The following RBFOX1 variants were observed in gnomAD, a reference collection of about 807,000 sequenced individuals.
RBFOX1 encodes the protein RNA binding protein fox-1 homolog 1.
RBFOX1 carries 8 observed loss-of-function variants against 57.7 expected under a neutral mutation model. The ratio of observed to expected loss-of-function variants is 0.14; its 90% CI spans 0.08 to 0.25. The LOEUF (loss-of-function observed/expected upper bound fraction) is 0.25. Among genes scored for constraint, RBFOX1 ranks in the 10% least tolerant of loss-of-function variants. RBFOX1 has a pLI of 1.00. For synonymous variants in RBFOX1, 326 were observed against 222.4 expected (o/e 1.47, Z -4.15); for missense variants, 611 against 548.5 (o/e 1.11, Z -1.14).
At chr16:7,332,804 G>A in intron 4 of RBFOX1, 3 of 1,402,644 alleles carry the variant, frequency 2.1e-6, no homozygotes, top group Non-Finnish European at 2.8e-6. Context: ...TCGTCGTCTG[G>A]GAAGAAAACT....
chr16:7,304,559 G>A (rs1209896273), intron 4 of RBFOX1: 1 of 985,250 alleles, frequency 1.0e-6, no homozygotes, highest in Non-Finnish European at 1.2e-6. Flanking sequence ...GTACTGGGCT[G>A]CGCTTCGGTG....
At chr16:6,606,789 G>C (rs1329092907) in intron 2 of RBFOX1, among the ~76,000 whole-genome samples, 1 of 152,112 alleles carries the variant, frequency 6.6e-6, no homozygotes, top group Non-Finnish European at 1.5e-5. Context: ...CCACGTCTTT[G>C]CTACAGTGAA....
intron 4 of RBFOX1, among the ~76,000 whole-genome samples, chr16:5,874,718 G>GA (rs1469153597): frequency 6.6e-6 from 1 of 152,162 alleles, no homozygotes; most frequent in Non-Finnish European, 1.5e-5. Flanking sequence ...GCAGAGACAG[G>GA]AAAATCACTT....
intron 1 of RBFOX1, among the ~76,000 whole-genome samples, chr16:6,021,839 G>A (rs1005708093): frequency 6.6e-6 from 1 of 152,200 alleles, no homozygotes; most frequent in Non-Finnish European, 1.5e-5. Flanking sequence ...TCCTCAGAGG[G>A]TTTGGGGGTA....
intron 3 of RBFOX1, among the ~76,000 whole-genome samples, chr16:6,822,508 C>A (rs557748404): frequency 2.0e-5 from 3 of 152,188 alleles, no homozygotes; most frequent in Non-Finnish European, 4.4e-5. Context: ...AGTTTCACAA[C>A]AGGAATGCAA....
At chr16:5,350,830 G>C (rs1243171853) in intron 1 of RBFOX1, among the ~76,000 whole-genome samples, 3 of 151,982 alleles carry the variant, frequency 2.0e-5, no homozygotes, top group Non-Finnish European at 4.4e-5. Flanking sequence ...GCACCACTGC[G>C]CTCCAGCCTG....
intron 3 of RBFOX1, among the ~76,000 whole-genome samples, chr16:6,835,502 A>G (rs2093027848): frequency 6.6e-6 from 1 of 152,038 alleles, no homozygotes; most frequent in African/African-American, 2.4e-5. Flanking sequence ...CTGCAATCCC[A>G]GCACTTTGGG....
chr16:7,346,904 A>G (rs965787748), intron 4 of RBFOX1, among the ~76,000 whole-genome samples: 8 of 152,308 alleles, frequency 5.3e-5, no homozygotes, highest in South Asian at 4.1e-4. Flanking sequence ...TAGCTTCAAA[A>G]AAAACGAGAG....
chr16:5,856,190 T>TACAC, intron 3 of RBFOX1, among the ~76,000 whole-genome samples: 1 of 49,432 alleles, frequency 2.0e-5, no homozygotes, highest in African/African-American at 6.3e-5. Flanking sequence ...TCTCTCTCTA[T>TACAC]ATATATATAT....
chr16:5,816,507 C>A (rs1047891862), intron 3 of RBFOX1, among the ~76,000 whole-genome samples: 1 of 152,156 alleles, frequency 6.6e-6, no homozygotes, highest in South Asian at 2.1e-4. Flanking sequence ...AAGCTCCTTT[C>A]TCAATTATTA....
At position 5,716,396 on chromosome 16, in the gene RBFOX1, C is replaced by G. The variant is rs140609136; in HGVS notation, c.318+117435C>G. Among the ~76,000 whole-genome samples the G allele has an allele frequency of 3.8e-3, 580 of 152,312 alleles. 2 individuals carry two copies. Among genetic ancestry groups the G allele is most frequent in the African/African-American group, 0.014 (562 of 41,562 alleles). On this transcript the variant is annotated intron_variant, in intron 3 of 19. Transcript: ENST00000641259. ...TATTTTTCCTGATCCTCTCCCTCCT[C>G]TCACCTTCCACCCTCCGACAGACCC...
In RBFOX1 at chr16:6,706,783, A is replaced by G. The variant is rs11865784; in HGVS notation, c.-16+52133A>G. On this transcript the variant is annotated intron_variant, in intron 3 of 15. Coordinates refer to ENST00000550418, the MANE Select transcript of RBFOX1 (RefSeq NM_018723.4). ...CAAGACATACGGCCAGAGCTGACATATTCTTAGGAATAACAGAAAATTGTC... is the reference window on the plus strand; with the variant it reads ...CAAGACATACGGCCAGAGCTGACATGTTCTTAGGAATAACAGAAAATTGTC... 5.0e-3 allele frequency among the ~76,000 whole-genome samples: 750 copies of G among 150,462 alleles called. 8 individuals are homozygous for G. The highest frequency in any genetic ancestry group is 0.017 in the African/African-American group (711 of 40,816).
intron 4 of RBFOX1, among the ~76,000 whole-genome samples, chr16:7,328,372 C>G (rs147082061): frequency 4.7e-5 from 7 of 149,888 alleles, no homozygotes; most frequent in African/African-American, 1.7e-4. Flanking sequence ...CCCAGCTACT[C>G]GGCAGGCTGA....
chr16:7,548,559 A>G lies in RBFOX1; in HGVS notation c.270+30170A>G, dbSNP rs1403109221. On this transcript the variant is annotated intron_variant, in intron 5 of 15. Coordinates refer to ENST00000550418, the MANE Select transcript of RBFOX1 (RefSeq NM_018723.4). ...CCTCAAGGAACTCATCCTAGTCTAG[A>G]GCTGTGAACCAATGCAAGGGGCAAA... 2.0e-5 allele frequency among the ~76,000 whole-genome samples: 3 copies of G among 152,226 alleles called. No homozygotes were observed. The East Asian group carries it at 5.8e-4, about 29-fold the overall frequency.
At chr16:5,449,868 A>G (rs1167577430) in intron 1 of RBFOX1, among the ~76,000 whole-genome samples, 1 of 152,084 alleles carries the variant, frequency 6.6e-6, no homozygotes, top group Non-Finnish European at 1.5e-5. Flanking sequence ...TCAGCCTCCC[A>G]AAGGTCTTGG....
In RBFOX1 at chr16:5,432,689, GCC is replaced by G. The variant is rs1163633871; in HGVS notation, c.220-34525_220-34524del. ...AGGTCAAAGAGGGCTGACTGTGGGTGCCCAGGCTCCGAGTTTATGGGGGGCCC... is the reference window on the plus strand; with the variant it reads ...AGGTCAAAGAGGGCTGACTGTGGGTGCAGGCTCCGAGTTTATGGGGGGCCC... On this transcript the variant is annotated intron_variant, in intron 1 of 2. Transcript: ENST00000585867. 3.8e-4 allele frequency among the ~76,000 whole-genome samples: 58 copies of G among 151,884 alleles called. 1 individual carries two copies. The highest frequency in any genetic ancestry group is 1.4e-3 in the African/African-American group (57 of 41,442).
chr16:5,770,084 T>C (rs2053927016), intron 3 of RBFOX1, among the ~76,000 whole-genome samples: 1 of 152,110 alleles, frequency 6.6e-6, no homozygotes, highest in South Asian at 2.1e-4. Flanking sequence ...CCAGAGTAGT[T>C]TGGGTGATTA....
At chr16:6,747,724 A>C (rs2074048187) in intron 3 of RBFOX1, among the ~76,000 whole-genome samples, 1 of 152,146 alleles carries the variant, frequency 6.6e-6, no homozygotes, top group Non-Finnish European at 1.5e-5. Flanking sequence ...TCTTCTGGGC[A>C]CCATCCGCTT....
chr16:6,621,761 A>C (rs2098235910), intron 2 of RBFOX1, among the ~76,000 whole-genome samples: 1 of 152,194 alleles, frequency 6.6e-6, no homozygotes, highest in South Asian at 2.1e-4. Flanking sequence ...CCTTTAGGCT[A>C]ATCACTGCAG....
Sources: allele counts gnomAD v4.1 joint callset (sites outside exome capture counted in the v4.1 genomes callset), GRCh38; gene constraint gnomAD v4.1.1; transcripts MANE v1.5; gene names NCBI Gene and HGNC (gene_info 2026-07-23, HGNC 2026-07-21).